Variants in PRKCE observed in about 807,000 individuals in gnomAD.
PRKCE encodes protein kinase C epsilon type.
PRKCE carries 16 observed loss-of-function variants against 85.4 expected under a neutral mutation model. The observed-to-expected ratio is 0.19, with a 90% CI of 0.13 to 0.28. PRKCE has a LOEUF of 0.28. Ranked by LOEUF, PRKCE falls within the 10% of genes least tolerant of loss-of-function variation. PRKCE has a pLI of 1.00. For missense variants in PRKCE, 573 were observed against 975.2 expected (o/e 0.59, Z 5.49); for synonymous variants, 388 against 371.5 (o/e 1.04, Z -0.51).
chr2:45,860,857 G>A (rs1000438790), intron 2 of PRKCE, among the ~76,000 whole-genome samples: 10 of 152,108 alleles, frequency 6.6e-5, no homozygotes, highest in Admixed American at 2.6e-4. Context: ...GGAAAGCCTC[G>A]GCCCCTCCCC....
chr2:45,737,207 C>T (rs931368447), intron 1 of PRKCE, among the ~76,000 whole-genome samples: 1 of 152,208 alleles, frequency 6.6e-6, no homozygotes, highest in African/African-American at 2.4e-5. Flanking sequence ...AAAATGAAAT[C>T]CTGAGAAGGA....
intron 1 of PRKCE, among the ~76,000 whole-genome samples, chr2:45,751,610 C>T (rs552921046): frequency 3.3e-5 from 5 of 152,100 alleles, no homozygotes; most frequent in African/African-American, 2.4e-5. Context: ...TCAAATCCTC[C>T]GCAGCTTTTA....
At chr2:45,940,354 G>A (rs1699785894) in intron 2 of PRKCE, among the ~76,000 whole-genome samples, 1 of 152,162 alleles carries the variant, frequency 6.6e-6, no homozygotes, top group Non-Finnish European at 1.5e-5. Context: ...CCTTCCATCT[G>A]TATTCATTTT....
chr2:46,115,993 C>A (rs1672729974), intron 11 of PRKCE, among the ~76,000 whole-genome samples: 1 of 152,170 alleles, frequency 6.6e-6, no homozygotes, highest in African/African-American at 2.4e-5. Context: ...TATAATGTTA[C>A]AGGGCAGGAG....
intron 10 of PRKCE, among the ~76,000 whole-genome samples, chr2:46,079,876 G>C (rs562970518): frequency 8.2e-4 from 125 of 152,318 alleles, no homozygotes; most frequent in African/African-American, 2.9e-3. Context: ...AACACACGAT[G>C]TGGTTCTTCC....
chr2:45,970,079 C>G (rs1702007838), intron 2 of PRKCE, among the ~76,000 whole-genome samples: 1 of 152,188 alleles, frequency 6.6e-6, no homozygotes, highest in Non-Finnish European at 1.5e-5. Flanking sequence ...GTTGCCGAAT[C>G]AAAGGATGTG....
intron 11 of PRKCE, among the ~76,000 whole-genome samples, chr2:46,110,379 G>C (rs1338210487): frequency 6.6e-6 from 1 of 152,048 alleles, no homozygotes. Context: ...AATAAGTAGA[G>C]GCCTATTCAG....
At chr2:45,804,316 T>C (rs1224795665) in intron 1 of PRKCE, among the ~76,000 whole-genome samples, 2 of 152,106 alleles carry the variant, frequency 1.3e-5, no homozygotes, top group African/African-American at 4.8e-5. Flanking sequence ...ACATCAGCAT[T>C]ATGTGGAGGA....
At chr2:45,840,265 A>G (rs1458797790) in intron 1 of PRKCE, 3 of 152,202 alleles carry the variant, frequency 2.0e-5, no homozygotes, top group Non-Finnish European at 2.9e-5. Flanking sequence ...TTTAAATTCC[A>G]TGCTTTTAGG....
intron 1 of PRKCE, among the ~76,000 whole-genome samples, chr2:45,833,084 G>A (rs559757778): frequency 8.7e-5 from 13 of 150,116 alleles, no homozygotes; most frequent in Non-Finnish European, 1.6e-4. Flanking sequence ...TTGGGAGGCC[G>A]AGGTGGAAGG....
At chr2:45,885,002 T>TTTTTGTTGTTG (rs375477829) in intron 2 of PRKCE, among the ~76,000 whole-genome samples, 1 of 97,666 alleles carries the variant, frequency 1.0e-5, no homozygotes, top group South Asian at 3.4e-4. Context: ...TATATATATA[T>TTTTTGTTGTTG]TTGTTGTTGT....
intron 5 of PRKCE, among the ~76,000 whole-genome samples, chr2:45,981,540 G>A (rs1702890424): frequency 6.6e-6 from 1 of 152,202 alleles, no homozygotes; most frequent in South Asian, 2.1e-4. Flanking sequence ...TTCTGTGTCT[G>A]TGAAGGTTAG....
chr2:45,816,696 C>A (rs1188597698), intron 1 of PRKCE, among the ~76,000 whole-genome samples: 1 of 152,132 alleles, frequency 6.6e-6, no homozygotes, highest in East Asian at 1.9e-4. Flanking sequence ...TATTCCTGTA[C>A]CAGGGTATCC....
At chr2:45,813,657 A>G (rs958492687) in intron 1 of PRKCE, among the ~76,000 whole-genome samples, 2 of 152,206 alleles carry the variant, frequency 1.3e-5, no homozygotes, top group Non-Finnish European at 2.9e-5. Flanking sequence ...CACTTCCAGC[A>G]TACAGGACTT....
At chr2:46,109,634 A>G (rs530293199) in intron 11 of PRKCE, among the ~76,000 whole-genome samples, 4 of 152,162 alleles carry the variant, frequency 2.6e-5, no homozygotes, top group Admixed American at 6.5e-5. Flanking sequence ...ATAGACAATT[A>G]TGTCATATGT....
chr2:46,123,199 A>C (rs984816080), intron 11 of PRKCE, among the ~76,000 whole-genome samples: 4 of 117,828 alleles, frequency 3.4e-5, no homozygotes, highest in African/African-American at 1.3e-4. Context: ...AAGCTTTACA[A>C]AGGAAAACAC....
At chr2:45,810,304 G>A (rs1042276362) in intron 1 of PRKCE, among the ~76,000 whole-genome samples, 1 of 152,104 alleles carries the variant, frequency 6.6e-6, no homozygotes, top group Non-Finnish European at 1.5e-5. Flanking sequence ...GCCTCCCAAA[G>A]TGCTGGGATT....
At chr2:45,775,549 GA>G (rs1369996211) in intron 1 of PRKCE, among the ~76,000 whole-genome samples, 1 of 152,186 alleles carries the variant, frequency 6.6e-6, no homozygotes, top group African/African-American at 2.4e-5. Context: ...AGTGGGAGCT[GA>G]AACTATTGCA....
chr2:46,148,418 G>A (rs1188394347), intron 12 of PRKCE, among the ~76,000 whole-genome samples: 1 of 152,228 alleles, frequency 6.6e-6, no homozygotes, highest in Non-Finnish European at 1.5e-5. Context: ...CTGGAGTGGG[G>A]TGGCAGGGCG....
Sources: gnomAD v4.1 joint callset for allele counts (sites outside exome capture counted in the v4.1 genomes callset) on GRCh38, gnomAD v4.1.1 for gene constraint, MANE v1.5 for transcripts, NCBI Gene and HGNC (gene_info 2026-07-23, HGNC 2026-07-21) for gene names.